CHODL: variants seen among roughly 807,000 people sequenced by gnomAD.
CHODL encodes the protein transmembrane protein MT75.
CHODL carries 29 observed loss-of-function variants against 34.5 expected under a neutral mutation model. That is an observed-to-expected ratio of 0.84 (90% CI 0.63 to 1.15). The LOEUF (loss-of-function observed/expected upper bound fraction) is 1.15. CHODL is among the 50% of genes most tolerant of loss of function. The pLI is 0.00. For synonymous variants in CHODL, 125 were observed against 116.1 expected, an observed-to-expected ratio of 1.08 and a Z score of -0.49; for missense variants, 332 against 332.5, an observed-to-expected ratio of 1.00 and a Z score of 0.01.
chr21:18,069,984 T>C (rs1268187467), intron 2 of CHODL, among the ~76,000 whole-genome samples: 1 of 44,052 alleles, frequency 2.3e-5, no homozygotes, highest in Non-Finnish European at 4.8e-5. Context: ...CCTCCTTTTC[T>C]TTCCCTTCCC....
intron 1 of CHODL, among the ~76,000 whole-genome samples, chr21:18,005,768 A>G (rs1456831715): frequency 6.6e-6 from 1 of 152,148 alleles, no homozygotes; most frequent in African/African-American, 2.4e-5. Flanking sequence ...GAAAACATGT[A>G]GCTCCCGAAC....
chr21:18,061,720 T>A (rs2064668726), intron 2 of CHODL, among the ~76,000 whole-genome samples: 1 of 152,046 alleles, frequency 6.6e-6, no homozygotes, highest in Non-Finnish European at 1.5e-5. Context: ...GTGGTGGCAA[T>A]GATGATGATG....
rs75176578 is a variant in CHODL at position 18,110,374 on chromosome 21, T to G, written c.-45+82403T>G. 3.4e-3 allele frequency among the ~76,000 whole-genome samples: 512 copies of G among 152,302 alleles called. 24 individuals are homozygous for G. The East Asian group carries it at 0.08, about 24-fold the overall frequency. ...TTGATTCTGAGTTGGCCCTGGGACT[T>G]ATTGTCACCAACAGAATGCAGCAAA... On this transcript the variant is annotated intron_variant, in intron 2 of 6. Coordinates refer to the CHODL transcript ENST00000400127.
chr21:17,998,907 A>G (rs544334371), intron 1 of CHODL, among the ~76,000 whole-genome samples: 1 of 152,366 alleles, frequency 6.6e-6, no homozygotes, highest in East Asian at 1.9e-4. Context: ...GGTGATTAAC[A>G]TTAGGCTCCT....
intron 2 of CHODL, among the ~76,000 whole-genome samples, chr21:18,226,239 G>A (rs536249739): frequency 1.4e-4 from 22 of 152,220 alleles, no homozygotes; most frequent in Middle Eastern, 6.8e-3. Context: ...AGAGTTCCAA[G>A]GAATAGATTT....
chr21:18,048,731 G>A (rs960457762), intron 2 of CHODL, among the ~76,000 whole-genome samples: 1 of 151,848 alleles, frequency 6.6e-6, no homozygotes, highest in Admixed American at 6.6e-5. Context: ...CAAACATATT[G>A]ATAATACTAT....
intron 2 of CHODL, among the ~76,000 whole-genome samples, chr21:18,174,123 GTATATATATATATATATATA>G (rs1159511070): frequency 3.2e-4 from 7 of 21,554 alleles, no homozygotes; most frequent in African/African-American, 7.1e-4. Context: ...ATATCTTGGT[GTATATATATATATATATATA>G]TATATATATA....
chr21:18,145,992 G>A (rs2072881966), intron 2 of CHODL, among the ~76,000 whole-genome samples: 1 of 151,994 alleles, frequency 6.6e-6, no homozygotes, highest in South Asian at 2.1e-4. Context: ...TTTTTGAGAC[G>A]GAGTCTCACT....
At chr21:18,184,883 T>C (rs1243857798) in intron 2 of CHODL, among the ~76,000 whole-genome samples, 4 of 152,192 alleles carry the variant, frequency 2.6e-5, no homozygotes, top group Non-Finnish European at 5.9e-5. Context: ...TTCTTCGTTA[T>C]TTATGGAAAC....
intron 1 of CHODL, among the ~76,000 whole-genome samples, chr21:17,934,340 T>A (rs557513262): frequency 2.0e-5 from 3 of 152,242 alleles, no homozygotes; most frequent in South Asian, 4.1e-4. Flanking sequence ...CCGAAAGCTC[T>A]AGAATTTGGG....
chr21:18,179,296 T>C (rs775886978), intron 2 of CHODL, among the ~76,000 whole-genome samples: 4 of 152,122 alleles, frequency 2.6e-5, no homozygotes, highest in Admixed American at 1.3e-4. Context: ...CACTTGGGAG[T>C]CAGCCTCTGT....
intron 2 of CHODL, among the ~76,000 whole-genome samples, chr21:18,128,560 C>T (rs976080334): frequency 6.6e-6 from 1 of 151,860 alleles, no homozygotes; most frequent in Non-Finnish European, 1.5e-5. Context: ...TGTATACTTA[C>T]AATTTTAGAA....
chr21:18,127,672 GTTT>G (rs71318127), intron 2 of CHODL, among the ~76,000 whole-genome samples: 34 of 70,040 alleles, frequency 4.9e-4, no homozygotes, highest in African/African-American at 1.4e-3. Flanking sequence ...CGTTGCCATT[GTTT>G]TTTTTTTTTT....
intron 2 of CHODL, among the ~76,000 whole-genome samples, chr21:18,105,343 T>C (rs1468916304): frequency 6.6e-6 from 1 of 152,206 alleles, no homozygotes; most frequent in Non-Finnish European, 1.5e-5. Context: ...ACTTGCTTTG[T>C]TGCAGGATTT....
At chr21:18,106,110 A>G (rs368054242) in intron 2 of CHODL, among the ~76,000 whole-genome samples, 1 of 152,204 alleles carries the variant, frequency 6.6e-6, no homozygotes, top group African/African-American at 2.4e-5. Context: ...GCAATTAACA[A>G]TGGGTTGGTA....
At chr21:17,917,815 A>G (rs115101957) in intron 1 of CHODL, among the ~76,000 whole-genome samples, 16 of 152,084 alleles carry the variant, frequency 1.1e-4, no homozygotes, top group Admixed American at 2.6e-4. Flanking sequence ...AGCACACTGC[A>G]TGTTTTATCT....
At chr21:18,169,856 C>T (rs2073206229) in intron 2 of CHODL, among the ~76,000 whole-genome samples, 1 of 151,902 alleles carries the variant, frequency 6.6e-6, no homozygotes, top group South Asian at 2.1e-4. Flanking sequence ...GTGATTGATT[C>T]TTTGGCTGGT....
At chr21:18,106,152 C>T (rs946706207) in intron 2 of CHODL, among the ~76,000 whole-genome samples, 1 of 152,168 alleles carries the variant, frequency 6.6e-6, no homozygotes. Context: ...CCACAAAGTT[C>T]TTCCTTGATT....
upstream of CHODL, among the ~76,000 whole-genome samples, chr21:18,241,410 T>C (rs1401236758): frequency 6.6e-6 from 1 of 152,190 alleles, no homozygotes; most frequent in East Asian, 1.9e-4. Flanking sequence ...GAATAAATAA[T>C]ATTGGTTAGT....
Sources: allele counts gnomAD v4.1 joint callset (sites outside exome capture counted in the v4.1 genomes callset), GRCh38; gene constraint gnomAD v4.1.1; transcripts MANE v1.5; gene names NCBI Gene and HGNC (gene_info 2026-07-23, HGNC 2026-07-21).